The following PRUNE2 variants were observed in gnomAD, a reference collection of about 807,000 sequenced individuals.
The protein encoded by PRUNE2 is protein prune homolog 2.
In PRUNE2, 164 loss-of-function variants were observed where a neutral mutation model predicts 252.0. That is an observed-to-expected ratio of 0.65 (90% CI 0.57 to 0.74). The LOEUF is 0.74. Among genes scored for constraint, PRUNE2 ranks in the 30% least tolerant of loss-of-function variants. The probability of loss-of-function intolerance (pLI) is 0.00; values close to 1 mark genes in which losing one functional copy is unlikely to be tolerated. For synonymous variants in PRUNE2, 1,292 were observed against 1,350.2 expected (o/e 0.96, Z 0.94); for missense variants, 3,495 against 3,711.0 (o/e 0.94, Z 1.51).
At chr9:76,887,046 G>A (rs1019005492) in intron 1 of PRUNE2, among the ~76,000 whole-genome samples, 1 of 152,126 alleles carries the variant, frequency 6.6e-6, no homozygotes, top group Non-Finnish European at 1.5e-5. Context: ...CCTTATGAAG[G>A]AGCGTCTTTT....
chr9:76,710,079 T>A lies in PRUNE2; in HGVS notation c.2195A>T (p.Asp732Val). Residue 732 changes from aspartate to valine, a missense_variant, in exon 8 of 19, where the codon GAC becomes GTC. Coordinates refer to ENST00000376718, the MANE Select transcript of PRUNE2 (RefSeq NM_015225.3). ...QPELGSNDIQ[D>V]KNEESLPFQN... ...GAACGGCAAGCTTTCCTCATTTTTG[T>A]CTTGAATATCATTGCTACCCAGTTC... 1 of 1,613,938 alleles carries A rather than the reference T, an allele frequency of 6.2e-7. No individual in the cohort carries two copies. The highest frequency in any genetic ancestry group is 1.1e-5 in the South Asian group (1 of 91,074).
At chr9:76,732,826 C>T (rs551377150) in intron 6 of PRUNE2, among the ~76,000 whole-genome samples, 1 of 152,242 alleles carries the variant, frequency 6.6e-6, no homozygotes, top group South Asian at 2.1e-4. Context: ...TAGAAGATTT[C>T]ATGTCTGTAT....
chr9:76,760,907 G>A (rs535834342), intron 6 of PRUNE2, among the ~76,000 whole-genome samples: 46 of 152,018 alleles, frequency 3.0e-4, no homozygotes, highest in African/African-American at 6.0e-4. Context: ...CCAACACTGC[G>A]AAACTCCATC....
At chr9:76,739,767 C>T (rs1255944078) in intron 6 of PRUNE2, 3 of 152,152 alleles carry the variant, frequency 2.0e-5, no homozygotes, top group African/African-American at 7.2e-5. Context: ...TGGGGGACTA[C>T]AGACCTGGAT....
Position 76,767,323 on chromosome 9 carries a change from C to T in PRUNE2, c.757-53602G>A, listed in dbSNP as rs369629634. Among the ~76,000 whole-genome samples the T allele has an allele frequency of 5.0e-4, 76 of 152,176 alleles. 1 individual carries two copies. Among genetic ancestry groups the T allele is most frequent in the Admixed American group, 1.6e-3 (25 of 15,272 alleles). On this transcript the variant is annotated intron_variant, in intron 6 of 18. Coordinates refer to ENST00000376718, the MANE Select transcript of PRUNE2 (RefSeq NM_015225.3). The stretch of plus-strand genomic sequence containing the variant: ...AAAATTATCTGGGCATGGTGGCACA[C>T]GCCTGTAATCCCAGCTACTCGAGAG...
Position 76,705,995 on chromosome 9 carries a change from G to C in PRUNE2, c.6279C>G (p.Cys2093Trp). The C allele has an allele frequency of 6.2e-7, 1 of 1,613,962 alleles. No individual in the cohort carries two copies. Among genetic ancestry groups the C allele is most frequent in the Non-Finnish European group, 8.5e-7 (1 of 1,179,880 alleles). ...DGENPDILTHCEHDSNSQASD... is the reference protein window; with the variant it reads ...DGENPDILTHWEHDSNSQASD... ...AAGCCTGAGAATTGCTGTCATGTTC[G>C]CAGTGCGTCAGGATATCAGGATTCT... is the stretch of plus-strand genomic sequence containing the variant. Residue 2093 changes from cysteine (C) to tryptophan (W), a missense_variant, in exon 8 of 19, where the codon TGC becomes TGG. Coordinates refer to ENST00000376718, the MANE Select transcript of PRUNE2 (RefSeq NM_015225.3).
In PRUNE2 at chr9:76,731,324, A is replaced by ATATATTT. The variant is rs1332074252; in HGVS notation, c.757-17604_757-17603insAAATATA. ...TATCTATCTATCTATATATATATAT[A>ATATATTT]TTTTTTTTTTTTTTTTGAGACAGGG... On this transcript the variant is annotated intron_variant, in intron 6 of 18. Transcript: ENST00000376718. Among the ~76,000 whole-genome samples, 202 of 106,784 alleles carry ATATATTT rather than the reference A, an allele frequency of 1.9e-3. 1 individual carries two copies. Among genetic ancestry groups the ATATATTT allele is most frequent in the African/African-American group, 6.7e-3 (193 of 28,972 alleles). The allele number at this position is 106,784 out of a possible 152,430, so 70.1% of individuals were successfully genotyped here.
At chr9:76,617,464 GC>G (rs551589027) in intron 18 of PRUNE2, among the ~76,000 whole-genome samples, 333 of 151,646 alleles carry the variant, frequency 2.2e-3, no homozygotes, top group African/African-American at 7.3e-3. Context: ...AGTAAATGCA[GC>G]CCTTATTCTA....
chr9:76,704,125 A>G (rs765381910), intron 8 of PRUNE2, 26 bp from the exon 9 acceptor site: 4 of 1,534,536 alleles, frequency 2.6e-6, no homozygotes, highest in Non-Finnish European at 2.6e-6. Flanking sequence ...GAAAGTGAGA[A>G]GAGGAGAAAA....
chr9:76,896,334 G>A (rs1451143481), intron 1 of PRUNE2, among the ~76,000 whole-genome samples: 1 of 152,204 alleles, frequency 6.6e-6, no homozygotes, highest in African/African-American at 2.4e-5. Flanking sequence ...AATAGCCTCA[G>A]AGATTGCACT....
At chr9:76,830,913 C>T (rs912987425) in intron 4 of PRUNE2, among the ~76,000 whole-genome samples, 2 of 150,368 alleles carry the variant, frequency 1.3e-5, no homozygotes, top group Admixed American at 1.3e-4. Flanking sequence ...TCTAGAATTC[C>T]ATACTGAGTG....
chr9:76,827,973 C>G (rs80250771), intron 4 of PRUNE2, among the ~76,000 whole-genome samples: 1 of 152,168 alleles, frequency 6.6e-6, no homozygotes, highest in Admixed American at 6.5e-5. Context: ...TGCCTTTTAT[C>G]GGCCAGGCAG....
intron 8 of PRUNE2, 89 bp downstream of exon 8, chr9:76,704,672 C>T: frequency 1.1e-6 from 1 of 924,456 alleles, no homozygotes; most frequent in Non-Finnish European, 1.6e-6. Context: ...TCTCTACCCT[C>T]ATTGGTAGGA....
At chr9:76,857,647 T>C (rs562053889) in intron 1 of PRUNE2, among the ~76,000 whole-genome samples, 8 of 152,262 alleles carry the variant, frequency 5.3e-5, no homozygotes, top group Admixed American at 5.2e-4. Flanking sequence ...AAATTAGTCA[T>C]GTAGACTCAC....
intron 6 of PRUNE2, among the ~76,000 whole-genome samples, chr9:76,818,232 A>G (rs1453707493): frequency 6.6e-6 from 1 of 152,208 alleles, no homozygotes; most frequent in Non-Finnish European, 1.5e-5. Context: ...ACAAACTCCA[A>G]GCTCAATGAG....
chr9:76,740,966 A>G (rs1200210631), intron 6 of PRUNE2, among the ~76,000 whole-genome samples: 1 of 152,202 alleles, frequency 6.6e-6, no homozygotes, highest in African/African-American at 2.4e-5. Context: ...CCCACATCAA[A>G]TGAACTCTTT....
intron 9 of PRUNE2, among the ~76,000 whole-genome samples, chr9:76,669,622 G>C (rs185468950): frequency 6.6e-6 from 1 of 152,090 alleles, no homozygotes; most frequent in African/African-American, 2.4e-5. Flanking sequence ...GCCCAGCCTC[G>C]AATGTTGTTT....
At chr9:76,894,967 A>G (rs1275097954) in intron 1 of PRUNE2, among the ~76,000 whole-genome samples, 1 of 151,940 alleles carries the variant, frequency 6.6e-6, no homozygotes, top group Non-Finnish European at 1.5e-5. Flanking sequence ...TAGAGGTTGC[A>G]GTGAGCCAAG....
At chr9:76,778,999 C>G (rs2054089943) in intron 6 of PRUNE2, 1 of 152,136 alleles carries the variant, frequency 6.6e-6, no homozygotes, top group African/African-American at 2.4e-5. Context: ...AGCTGCATCA[C>G]TAGTCATCTT....
Sources: allele counts gnomAD v4.1 joint callset (sites outside exome capture counted in the v4.1 genomes callset), GRCh38; gene constraint gnomAD v4.1.1; transcripts MANE v1.5; gene names NCBI Gene and HGNC (gene_info 2026-07-23, HGNC 2026-07-21).